The following ELMOD1 variants were observed in gnomAD, a reference collection of about 807,000 sequenced individuals.
The protein encoded by ELMOD1 is ELMO domain containing 1, also known as ELMO domain-containing protein 1.
Under a neutral mutation model 46.7 loss-of-function variants are expected in ELMOD1, and 21 were observed. That is an observed-to-expected ratio of 0.45 (90% CI 0.32 to 0.65). The LOEUF (loss-of-function observed/expected upper bound fraction) is 0.65. ELMOD1 is among the 30% of genes least tolerant of loss of function. ELMOD1 has a pLI of 0.04. For missense variants in ELMOD1, 348 were observed against 407.8 expected, an observed-to-expected ratio of 0.85 and a Z score of 1.26; for synonymous variants, 122 against 138.2, an observed-to-expected ratio of 0.88 and a Z score of 0.82.
chr11:107,631,521 G>A (rs145979943), intron 4 of ELMOD1, 59 bp from the exon 5 acceptor site: 22,254 of 1,057,750 alleles, frequency 0.021, 340 homozygotes, highest in South Asian at 0.062. Context: ...TATCCCAGTA[G>A]ATACTGATTA....
chr11:107,596,558 A>G (rs1340853154), intron 1 of ELMOD1, among the ~76,000 whole-genome samples: 1 of 152,138 alleles, frequency 6.6e-6, no homozygotes, highest in African/African-American at 2.4e-5. Flanking sequence ...ATGAGCAAAA[A>G]CTTAAATAAT....
chr11:107,650,389 T>C lies in ELMOD1; in HGVS notation c.609T>C (p.Leu203=). ...TAAQQVLSDS[L]HPKCRDITKE... ...CTCAGCAGGTCCTGTCTGACTCTCT[T>C]CATCCGAAATGCAGGTAATTGTTGA... The change falls in exon 8 of 12, where the codon CTT becomes CTC. Residue 203 remains leucine, a synonymous_variant. Coordinates refer to ENST00000265840, the MANE Select transcript of ELMOD1 (RefSeq NM_018712.4). 6.3e-7 allele frequency: 1 copy of C among 1,590,180 alleles called. No homozygotes were observed. Among genetic ancestry groups the C allele is most frequent in the Non-Finnish European group, 8.6e-7 (1 of 1,167,180 alleles).
chr11:107,596,478 C>A (rs991862111), intron 1 of ELMOD1, among the ~76,000 whole-genome samples: 1 of 152,088 alleles, frequency 6.6e-6, no homozygotes, highest in Non-Finnish European at 1.5e-5. Flanking sequence ...GCCAGATTTT[C>A]TGAAGATTCC....
At chr11:107,649,652 T>C (rs1439898600) in intron 7 of ELMOD1, among the ~76,000 whole-genome samples, 1 of 152,182 alleles carries the variant, frequency 6.6e-6, no homozygotes, top group Non-Finnish European at 1.5e-5. Context: ...TGAAATTTCC[T>C]GAGAGGAAAT....
chr11:107,613,392 G>C (rs1021406941), intron 1 of ELMOD1, among the ~76,000 whole-genome samples: 3 of 152,130 alleles, frequency 2.0e-5, no homozygotes, highest in Middle Eastern at 3.2e-3. Flanking sequence ...CACTTGGCTA[G>C]TGGTAGATCC....
intron 3 of ELMOD1, 48 bp downstream of exon 3, chr11:107,630,610 G>A (rs935297913): frequency 1.9e-6 from 3 of 1,604,124 alleles, no homozygotes; most frequent in Non-Finnish European, 2.6e-6. Flanking sequence ...TGGTATGATG[G>A]AAGATACGAT....
chr11:107,610,792 C>T (rs10431058), intron 1 of ELMOD1, among the ~76,000 whole-genome samples: 58,020 of 151,544 alleles, frequency 0.38, 12,343 homozygotes, highest in East Asian at 0.71. Context: ...GTATCATGGC[C>T]GCCTCATTGT....
chr11:107,610,651 A>C (rs1039980855), intron 1 of ELMOD1, among the ~76,000 whole-genome samples: 4 of 147,942 alleles, frequency 2.7e-5, no homozygotes, highest in African/African-American at 9.9e-5. Context: ...TGACAGGGTG[A>C]GATCCTATCT....
chr11:107,616,842 C>G (rs1865871485), intron 1 of ELMOD1, among the ~76,000 whole-genome samples: 1 of 152,062 alleles, frequency 6.6e-6, no homozygotes, highest in South Asian at 2.1e-4. Context: ...TTGCCCTGAC[C>G]CAGCTTTAGA....
intron 2 of ELMOD1, 31 bp from the exon 3 acceptor site, chr11:107,630,386 T>C (rs994977728): frequency 1.3e-6 from 2 of 1,563,698 alleles, no homozygotes; most frequent in African/African-American, 1.4e-5. Context: ...CAGAGTTCTA[T>C]TGGAAGGGTG....
At chr11:107,616,304 G>A (rs966677794) in intron 1 of ELMOD1, among the ~76,000 whole-genome samples, 13 of 151,540 alleles carry the variant, frequency 8.6e-5, no homozygotes, top group Non-Finnish European at 1.6e-4. Flanking sequence ...CCCTACTGTA[G>A]TTATTCTTTT....
At position 107,665,245 on chromosome 11, in the gene ELMOD1, CTTG is replaced by C; in HGVS notation, c.*51_*53del. ...ATACCCTGGAACACTGCCTCATTGT[CTTG>C]TTAGATCTCTGCTTAGGTCGCAGCT... On this transcript the variant is annotated 3_prime_UTR_variant, in exon 12 of 12. Transcript: ENST00000265840. The C allele has an allele frequency of 6.3e-7, 1 of 1,577,800 alleles. No individual in the cohort carries two copies. Among genetic ancestry groups the C allele is most frequent in the East Asian group, 2.2e-5 (1 of 44,540 alleles).
intron 6 of ELMOD1, among the ~76,000 whole-genome samples, chr11:107,644,362 G>A (rs1023563337): frequency 2.6e-5 from 4 of 151,892 alleles, no homozygotes; most frequent in Non-Finnish European, 5.9e-5. Context: ...AGCATCCCAC[G>A]CTATAAGCAT....
chr11:107,621,128 G>T (rs953309780), intron 2 of ELMOD1, among the ~76,000 whole-genome samples: 2 of 152,218 alleles, frequency 1.3e-5, no homozygotes, highest in African/African-American at 4.8e-5. Context: ...ATCAGAACAT[G>T]ATTAATTTTG....
intron 10 of ELMOD1, among the ~76,000 whole-genome samples, chr11:107,654,780 A>G (rs575600715): frequency 1.8e-4 from 27 of 152,180 alleles, no homozygotes; most frequent in African/African-American, 6.0e-4. Context: ...AAAAAAAAAA[A>G]AAAAAAAGAA....
rs1271752300 is a variant in ELMOD1, at chr11:107,614,552, T to C, written c.-85-3553T>C. 3.3e-5 allele frequency among the ~76,000 whole-genome samples: 5 copies of C among 152,276 alleles called. No individual in the cohort carries two copies. In the East Asian group the frequency reaches 9.7e-4, roughly 30 times the overall value. On this transcript the variant is annotated intron_variant, in intron 1 of 11. Transcript: ENST00000265840. ...CAGGGTTTCACCATGTTGGCCAGGATGGTCTCGATCTCCTGACCTCGTGAT... is the reference window on the plus strand; with the variant it reads ...CAGGGTTTCACCATGTTGGCCAGGACGGTCTCGATCTCCTGACCTCGTGAT...
At chr11:107,655,024 T>C (rs1866601770) in intron 10 of ELMOD1, among the ~76,000 whole-genome samples, 1 of 152,166 alleles carries the variant, frequency 6.6e-6, no homozygotes, top group Non-Finnish European at 1.5e-5. Context: ...AAGATCCTTA[T>C]TTACATTTTT....
intron 6 of ELMOD1, 110 bp downstream of exon 6, chr11:107,635,875 G>A: frequency 8.8e-7 from 1 of 1,130,878 alleles, no homozygotes. Context: ...AGATGGATCA[G>A]ACACGGGCAC....
intron 9 of ELMOD1, 149 bp downstream of exon 9, chr11:107,651,057 G>C: frequency 2.2e-6 from 1 of 456,632 alleles, no homozygotes; most frequent in Non-Finnish European, 3.5e-6. Context: ...TTATAGCTGG[G>C]CTATGTTTTA....
Sources: gnomAD v4.1 joint callset for allele counts (sites outside exome capture counted in the v4.1 genomes callset) on GRCh38, gnomAD v4.1.1 for gene constraint, MANE v1.5 for transcripts, NCBI Gene and HGNC (gene_info 2026-07-23, HGNC 2026-07-21) for gene names.